The following RPP30 variants were observed in gnomAD, a reference collection of about 807,000 sequenced individuals.
RPP30 encodes the protein ribonuclease P/MRP subunit p30.
A neutral mutation model predicts 38.6 loss-of-function variants in RPP30; 36 were observed. The ratio of observed to expected loss-of-function variants is 0.93; its 90% CI spans 0.71 to 1.23. The LOEUF (loss-of-function observed/expected upper bound fraction) is 1.23. Among genes scored for constraint, RPP30 ranks in the 50% most tolerant of loss-of-function variants. RPP30 has a pLI of 0.00. For missense variants in RPP30, 321 were observed against 321.7 expected (o/e 1.00, Z 0.02); for synonymous variants, 126 against 112.7 (o/e 1.12, Z -0.75).
chr10:90,905,452 C>A (rs921157660), downstream of RPP30: 1 of 152,236 alleles, frequency 6.6e-6, no homozygotes, highest in Non-Finnish European at 1.5e-5. Flanking sequence ...CCTGAGCACC[C>A]CATGGGATTA....
chr10:90,895,619 G>A (rs1847130867), intron 8 of RPP30, 136 bp downstream of exon 8: 1 of 562,090 alleles, frequency 1.8e-6, no homozygotes, highest in South Asian at 4.6e-5. Flanking sequence ...CATTGTAATT[G>A]CTAAATAGTA....
In RPP30 at chr10:90,876,063, A is replaced by G. The variant is rs1327770843; in HGVS notation, c.235A>G (p.Ile79Val). The change falls in exon 4 of 11, where the codon ATT (isoleucine) becomes GTT (valine). Residue 79 changes from isoleucine (I) to valine (V), a missense_variant. By Grantham distance (29) the Ile-to-Val change is conservative. Coordinates refer to ENST00000371703, the MANE Select transcript of RPP30 (RefSeq NM_006413.5). ...AATTAAAATTTTAACTAGATTAACAATTATTGTCTCGGATCCATCTCACTG... is the reference window on the plus strand; with the variant it reads ...AATTAAAATTTTAACTAGATTAACAGTTATTGTCTCGGATCCATCTCACTG... Reference protein sequence around the residue: ...RPIKILTRLTIIVSDPSHCNV... With the variant: ...RPIKILTRLTVIVSDPSHCNV... 1 of 1,581,480 alleles carries G rather than the reference A, an allele frequency of 6.3e-7. No individual in the cohort carries two copies. The highest frequency in any genetic ancestry group is 8.7e-7 in the Non-Finnish European group (1 of 1,150,666).
intron 6 of RPP30, among the ~76,000 whole-genome samples, chr10:90,889,178 G>A (rs969755705): frequency 6.6e-6 from 1 of 152,018 alleles, no homozygotes; most frequent in African/African-American, 2.4e-5. Context: ...CATAAAGTAT[G>A]GAAATGTATA....
chr10:90,878,822 G>C (rs747537316), intron 4 of RPP30, among the ~76,000 whole-genome samples: 5 of 152,318 alleles, frequency 3.3e-5, no homozygotes, highest in Non-Finnish European at 5.9e-5. Context: ...CAGACACAAT[G>C]TTTGGTACAT....
At chr10:90,891,117 CA>C (rs1159356324) in intron 6 of RPP30, among the ~76,000 whole-genome samples, 1 of 152,208 alleles carries the variant, frequency 6.6e-6, no homozygotes, top group Non-Finnish European at 1.5e-5. Flanking sequence ...ATTTAAACAA[CA>C]GTTTTAAACT....
downstream of RPP30, among the ~76,000 whole-genome samples, chr10:90,908,050 C>G (rs7903584): frequency 1.3e-5 from 2 of 151,996 alleles, no homozygotes; most frequent in Non-Finnish European, 2.9e-5. Context: ...CTGTAGGCAA[C>G]TATAACACAG....
intron 6 of RPP30, among the ~76,000 whole-genome samples, chr10:90,892,252 A>G (rs1252735345): frequency 7.2e-5 from 11 of 152,312 alleles, no homozygotes; most frequent in South Asian, 2.1e-4. Context: ...GCTTTAGGCA[A>G]TTTGCATCAA....
intron 1 of RPP30, among the ~76,000 whole-genome samples, chr10:90,873,213 A>G (rs1004437820): frequency 5.3e-5 from 8 of 152,246 alleles, no homozygotes; most frequent in African/African-American, 1.9e-4. Flanking sequence ...AATAAACTGA[A>G]CACATTAAAA....
intron 6 of RPP30, among the ~76,000 whole-genome samples, chr10:90,890,934 A>G (rs1012470848): frequency 1.3e-5 from 2 of 152,244 alleles, no homozygotes; most frequent in African/African-American, 4.8e-5. Context: ...AATTTATCAT[A>G]GTAAGAGATT....
At position 90,875,466 on chromosome 10, in the gene RPP30, A is replaced by C. The variant is rs1846838939; in HGVS notation, c.139-92A>C. The C allele has an allele frequency of 4.1e-6, 4 of 964,240 alleles. No individual in the cohort carries two copies. The East Asian group carries it at 9.8e-5, about 24-fold the overall frequency. 59.7% of individuals were successfully genotyped at this position (964,240 alleles called of 1,614,324 possible). A position where few individuals can be genotyped will look rare whatever the true frequency, so the allele number is the denominator to read the frequency against. ...CTTGCTTTCTTTTTAAAAAAAATGC[A>C]TATTTTTTCTGAGAACACCTCGTAA... On this transcript the variant is annotated intron_variant, in intron 2 of 10. Transcript: ENST00000371703.
At position 90,901,812 on chromosome 10, in the gene RPP30, G is replaced by C. The variant is rs1847206388; in HGVS notation, c.*1133G>C. The C allele has an allele frequency of 1.0e-6, 1 of 954,430 alleles. No homozygotes were observed. Among genetic ancestry groups the C allele is most frequent in the East Asian group, 1.2e-4 (1 of 8,514 alleles). The allele number at this position is 954,430 out of a possible 1,614,324, so 59.1% of individuals were successfully genotyped here. ...AAAGACAACTGTTCTGCGGGTTGGA[G>C]AAAATACAATTTTTTTTTTTTTTTT... On this transcript the variant is annotated 3_prime_UTR_variant, in exon 11 of 11. Transcript: ENST00000371703.
chr10:90,901,527 G>A lies in RPP30; in HGVS notation c.*848G>A, dbSNP rs551237873. 3.0e-6 allele frequency: 3 copies of A among 985,206 alleles called. No homozygotes were observed. Among genetic ancestry groups the A allele is most frequent in the South Asian group, 4.7e-5 (1 of 21,284 alleles). The allele number at this position is 985,206 out of a possible 1,614,324, so 61.0% of individuals were successfully genotyped here. ...CCTTCACTGCTTCATGCCTACGTAAGGTCTTTGAAATAGGATTCCTTACTT... is the reference window on the plus strand; with the variant it reads ...CCTTCACTGCTTCATGCCTACGTAAAGTCTTTGAAATAGGATTCCTTACTT... On this transcript the variant is annotated 3_prime_UTR_variant, in exon 11 of 11. Coordinates refer to ENST00000371703, the MANE Select transcript of RPP30 (RefSeq NM_006413.5).
At chr10:90,873,814 T>A (rs984498500) in intron 1 of RPP30, among the ~76,000 whole-genome samples, 1 of 151,256 alleles carries the variant, frequency 6.6e-6, no homozygotes, top group African/African-American at 2.4e-5. Context: ...TACTTGTGAT[T>A]TTTTTTTTGT....
Position 90,900,951 on chromosome 10 carries a change from A to G in RPP30, c.*272A>G, listed in dbSNP as rs574596679. ...TTGTGTAAGTGATAAACAACAGCAA[A>G]TATACTTGAATAAAATGTTTCAGGT... On this transcript the variant is annotated 3_prime_UTR_variant, in exon 11 of 11. Transcript: ENST00000371703. 3.6e-6 allele frequency: 4 copies of G among 1,110,526 alleles called. No homozygotes were observed. The highest frequency in any genetic ancestry group is 5.4e-5 in the East Asian group (1 of 18,634). The allele number at this position is 1,110,526 out of a possible 1,614,324, so 68.8% of individuals were successfully genotyped here.
chr10:90,904,953 G>A (rs1425281192), downstream of RPP30, among the ~76,000 whole-genome samples: 1 of 152,154 alleles, frequency 6.6e-6, no homozygotes, highest in Non-Finnish European at 1.5e-5. Context: ...AATCCAGGTA[G>A]ATTAAAGATT....
chr10:90,876,869 G>A (rs1305738473), intron 4 of RPP30, among the ~76,000 whole-genome samples: 1 of 152,056 alleles, frequency 6.6e-6, no homozygotes, highest in African/African-American at 2.4e-5. Flanking sequence ...AGAATTGATG[G>A]GATTTATTGG....
At chr10:90,897,658 A>G (rs1364438698) in intron 10 of RPP30, among the ~76,000 whole-genome samples, 1 of 152,226 alleles carries the variant, frequency 6.6e-6, no homozygotes, top group Non-Finnish European at 1.5e-5. Context: ...TCCAAAATGG[A>G]CTAAACAAGA....
At chr10:90,903,133 A>G (rs1847221201), downstream of RPP30, 45 of 876,604 alleles carry the variant, frequency 5.1e-5, 1 homozygote, top group South Asian at 6.0e-4. Context: ...GGGGGTGATC[A>G]GTAAAAACTC....
At chr10:90,875,683 T>C (rs1177853722) in intron 3 of RPP30, 69 bp downstream of exon 3, 13 of 1,339,734 alleles carry the variant, frequency 9.7e-6, no homozygotes, top group South Asian at 3.5e-5. Context: ...ATTATTGTGC[T>C]ATTCTCTAGC....
Sources: allele counts gnomAD v4.1 joint callset (sites outside exome capture counted in the v4.1 genomes callset), GRCh38; gene constraint gnomAD v4.1.1; transcripts MANE v1.5; gene names NCBI Gene and HGNC (gene_info 2026-07-23, HGNC 2026-07-21).